The following COCH variants were observed in gnomAD, a reference collection of about 807,000 sequenced individuals.
The protein encoded by COCH is cochlin.
In COCH, 40 loss-of-function variants were observed where a neutral mutation model predicts 54.8. The observed-to-expected ratio is 0.73, with a 90% CI of 0.57 to 0.95. The LOEUF is 0.95. Among genes scored for constraint, COCH ranks in the 40% least tolerant of loss-of-function variants. The pLI is 0.00. For synonymous variants in COCH, 256 were observed against 237.9 expected (o/e 1.08, Z -0.70); for missense variants, 605 against 675.0 (o/e 0.90, Z 1.15).
chr14:30,882,120 G>GTTT (rs61175020), intron 8 of COCH, among the ~76,000 whole-genome samples: 782 of 67,892 alleles, frequency 0.012, 150 homozygotes, highest in African/African-American at 0.023. Context: ...CTATAAAATG[G>GTTT]TTTTTTTTTT....
chr14:30,876,415 G>C (rs1001186634), intron 3 of COCH: 14 of 152,190 alleles, frequency 9.2e-5, no homozygotes, highest in African/African-American at 3.4e-4. Flanking sequence ...TCACTGGACA[G>C]ATCTGGAGCA....
At position 30,877,794 on chromosome 14, in the gene COCH, C is replaced by T. The variant is rs1895421763; in HGVS notation, c.239+66C>T. ...TGATTATTTCCTTTCCTGCTTTACC[C>T]ATCTGGATCCCTTTCCTCCCTGCAT... On this transcript the variant is annotated intron_variant, in intron 4 of 11. Transcript: ENST00000396618. The surrounding 1 kb of genome is among the most constrained non-coding windows in gnomAD (Gnocchi z 8.6). 3.1e-6 allele frequency: 5 copies of T among 1,606,544 alleles called. No homozygotes were observed. The highest frequency in any genetic ancestry group is 4.2e-6 in the Non-Finnish European group (5 of 1,178,294).
intron 3 of COCH, chr14:30,875,560 C>A (rs80263918): frequency 2.1e-6 from 1 of 483,394 alleles, no homozygotes; most frequent in Non-Finnish European, 3.6e-6. Flanking sequence ...CGCTGTCCCA[C>A]CTTGTTTGAC....
intron 11 of COCH, 194 bp from the exon 12 acceptor site, chr14:30,889,422 G>A: frequency 1.7e-6 from 1 of 584,332 alleles, no homozygotes; most frequent in Non-Finnish European, 3.1e-6. Flanking sequence ...CAGAGTTTCT[G>A]GTTTGGACCA....
At chr14:30,888,122 GGTGT>G (rs1437229747) in intron 11 of COCH, among the ~76,000 whole-genome samples, 1 of 146,784 alleles carries the variant, frequency 6.8e-6, no homozygotes, top group Non-Finnish European at 1.5e-5. Context: ...GGAGTACAGT[GGTGT>G]GATTATTTTT....
At chr14:30,882,119 G>GTTTTTTTTTTTTTT (rs1566410309) in intron 8 of COCH, among the ~76,000 whole-genome samples, 13 of 84,900 alleles carry the variant, frequency 1.5e-4, no homozygotes, top group African/African-American at 4.8e-4. Context: ...ACTATAAAAT[G>GTTTTTTTTTTTTTT]GTTTTTTTTT....
intron 11 of COCH, among the ~76,000 whole-genome samples, chr14:30,888,090 G>A (rs1394450315): frequency 6.6e-6 from 1 of 151,876 alleles, no homozygotes; most frequent in East Asian, 1.9e-4. Context: ...TATTTTCAGG[G>A]TCTTGCTCTG....
At position 30,877,304 on chromosome 14, in the gene COCH, C is replaced by T. The variant is rs2284654; in HGVS notation, c.83-268C>T. 33 of 407,528 alleles carry T rather than the reference C, an allele frequency of 8.1e-5. No homozygotes were observed. Among genetic ancestry groups the T allele is most frequent in the African/African-American group, 1.4e-4 (7 of 48,344 alleles). The allele number at this position is 407,528 out of a possible 1,614,324, so 25.2% of individuals were successfully genotyped here. On this transcript the variant is annotated intron_variant, in intron 3 of 11. Coordinates refer to ENST00000396618, the MANE Select transcript of COCH (RefSeq NM_004086.3). This position sits in a 1 kb window ranked among gnomAD's most constrained non-coding sequence, Gnocchi z 8.6. ...TTTGAGCCTAGCTTGGGCAACTTGG[C>T]GAGTCCCCATTTCAAAAACAAAAAC...
Position 30,886,036 on chromosome 14 carries a change from G to A in COCH, c.1201G>A (p.Asp401Asn), listed in dbSNP as rs776519637. ...CATAGCCAAGACTTTTGAAATCTCG[G>A]ACATTGGTGCCAAGATAGCTGCTGT... ...SNIAKTFEIS[D>N]IGAKIAAVQF... Residue 401 changes from aspartate to asparagine, a missense_variant, in exon 11 of 12, where the codon GAC becomes AAC. Asp to Asn is a conservative substitution (Grantham distance 23). Transcript: ENST00000396618. 1 of 1,614,096 alleles carries A rather than the reference G, an allele frequency of 6.2e-7. No individual in the cohort carries two copies. The highest frequency in any genetic ancestry group is 8.5e-7 in the Non-Finnish European group (1 of 1,180,054).
chr14:30,884,152 A>G (rs181583006), intron 8 of COCH, among the ~76,000 whole-genome samples: 2 of 152,320 alleles, frequency 1.3e-5, no homozygotes, highest in Non-Finnish European at 2.9e-5. Context: ...TTCTCCGTAT[A>G]GTTTAGGCAT....
chr14:30,895,025 C>A, downstream of COCH: 1 of 230,456 alleles, frequency 4.3e-6, no homozygotes, highest in South Asian at 4.8e-5. Context: ...GCACCACATT[C>A]CTAACCCCTA....
chr14:30,876,705 G>C (rs2138832685), intron 3 of COCH, among the ~76,000 whole-genome samples: 1 of 150,250 alleles, frequency 6.7e-6, no homozygotes, highest in East Asian at 1.9e-4. Flanking sequence ...TTGTGCACAT[G>C]TCTATGAAAA....
rs974508976 is a variant in COCH at position 30,874,751 on chromosome 14, G to A, written c.-24+160G>A. ...CCTGGGCTTCGCTCGATTTGCCGCC[G>A]AGGCGCCTCCCAGACCTAGAGGGGC... On this transcript the variant is annotated intron_variant, in intron 1 of 11. Coordinates refer to ENST00000396618, the MANE Select transcript of COCH (RefSeq NM_004086.3). 396 of 673,326 alleles carry A rather than the reference G, an allele frequency of 5.9e-4. 3 individuals carry two copies. The highest frequency in any genetic ancestry group is 3.7e-4 in the Admixed American group (15 of 40,446). The allele number at this position is 673,326 out of a possible 1,614,324, so 41.7% of individuals were successfully genotyped here.
chr14:30,893,817 T>TTA (rs1896057285), downstream of COCH: 1 of 152,566 alleles, frequency 6.6e-6, no homozygotes, highest in Non-Finnish European at 1.5e-5. Flanking sequence ...ATTTCCTAGT[T>TTA]TAATTATGGA....
At chr14:30,884,379 GAAAT>G (rs1895710872) in intron 8 of COCH, 170 bp from the exon 9 acceptor site, 2 of 602,676 alleles carry the variant, frequency 3.3e-6, no homozygotes, top group South Asian at 3.9e-5. Context: ...TTACACCTCT[GAAAT>G]ATCTCCAATA....
intron 3 of COCH, 138 bp downstream of exon 3, chr14:30,875,241 G>A: frequency 8.1e-7 from 1 of 1,242,212 alleles, no homozygotes; most frequent in South Asian, 1.4e-5. Flanking sequence ...GCCGCCGCGT[G>A]GCGCGCCCGC....
chr14:30,881,837 G>C lies in COCH; in HGVS notation c.629+1103G>C, dbSNP rs867761730. ...AAATTAGCCGGGCGTGGTGGCAGGC[G>C]CCTGTAGTCCCAGCTACTCGGGAGG... On this transcript the variant is annotated intron_variant, in intron 8 of 11. Transcript: ENST00000396618. 3.6e-3 allele frequency among the ~76,000 whole-genome samples: 543 copies of C among 151,468 alleles called. 5 individuals carry two copies. Among genetic ancestry groups the C allele is most frequent in the African/African-American group, 0.012 (503 of 41,398 alleles).
chr14:30,885,795 G>C lies in COCH; in HGVS notation c.961-1G>C, dbSNP rs1450034525. On this transcript the variant is annotated splice_acceptor_variant, in intron 10 of 11. Coordinates refer to ENST00000396618, the MANE Select transcript of COCH (RefSeq NM_004086.3). LOFTEE classifies it high-confidence loss of function. ...TATCTTTTATGTGTCTCCCCCATTA[G>C]GCTGTCTGTCGGAATAATGGCTTCT... 2 of 1,613,816 alleles carry C rather than the reference G, an allele frequency of 1.2e-6. No homozygotes were observed. Among genetic ancestry groups the C allele is most frequent in the Non-Finnish European group, 1.7e-6 (2 of 1,179,962 alleles).
At position 30,885,634 on chromosome 14, in the gene COCH, G is replaced by T. The variant is rs368008430; in HGVS notation, c.960+14G>T. The T allele has an allele frequency of 6.5e-7, 1 of 1,539,946 alleles. No individual in the cohort carries two copies. The highest frequency in any genetic ancestry group is 1.1e-5 in the South Asian group (1 of 89,510). ...TTTGTTGACAAGGTAAAGTGGTGAG[G>T]GTTATCTTCTGTTACAGTGATGGGT... is the stretch of plus-strand genomic sequence containing the variant. On this transcript the variant is annotated intron_variant, in intron 10 of 11. Transcript: ENST00000396618.
Sources: gnomAD v4.1 joint callset for allele counts (sites outside exome capture counted in the v4.1 genomes callset) on GRCh38, gnomAD v4.1.1 for gene constraint, Gnocchi (gnomAD v3.1) non-coding constraint, MANE v1.5 for transcripts, NCBI Gene and HGNC (gene_info 2026-07-23, HGNC 2026-07-21) for gene names.